The following SSBP3 variants were observed in gnomAD, a reference collection of about 807,000 sequenced individuals.
SSBP3 encodes the protein single-stranded DNA-binding protein 3.
In SSBP3, 5 loss-of-function variants were observed where a neutral mutation model predicts 69.6. That is an observed-to-expected ratio of 0.07 (90% confidence interval 0.04 to 0.15). The LOEUF (loss-of-function observed/expected upper bound fraction) is 0.15, where lower values mean the gene tolerates loss of function less well. SSBP3 is among the 10% of genes least tolerant of loss of function. The pLI is 1.00. For missense variants in SSBP3, 312 were observed against 534.0 expected, an observed-to-expected ratio of 0.58 and a Z score of 4.10; for synonymous variants, 196 against 193.4, an observed-to-expected ratio of 1.01 and a Z score of -0.11.
chr1:54,289,040 A>AAAAAAAAC, intron 4 of SSBP3, among the ~76,000 whole-genome samples: 1 of 53,830 alleles, frequency 1.9e-5, no homozygotes, highest in East Asian at 2.1e-4. Context: ...AAAAAAACAA[A>AAAAAAAAC]AAAACAAAAA....
intron 4 of SSBP3, among the ~76,000 whole-genome samples, chr1:54,385,296 T>G (rs942554786): frequency 7.2e-5 from 11 of 152,294 alleles, no homozygotes; most frequent in African/African-American, 2.6e-4. Flanking sequence ...CCTAAAAGCA[T>G]TTGGCTCCCT....
intron 4 of SSBP3, among the ~76,000 whole-genome samples, chr1:54,323,171 A>T (rs888784600): frequency 6.6e-6 from 1 of 152,224 alleles, no homozygotes; most frequent in Non-Finnish European, 1.5e-5. Flanking sequence ...AAGCAAGTCA[A>T]TGAAGCTCCC....
intron 4 of SSBP3, among the ~76,000 whole-genome samples, chr1:54,392,453 C>T (rs937977304): frequency 6.6e-6 from 1 of 152,214 alleles, no homozygotes; most frequent in African/African-American, 2.4e-5. Context: ...TATATGCACA[C>T]ATAAATCACT....
rs142584482 is a variant in SSBP3 at position 54,244,698 on chromosome 1, C to T, written c.652-1399G>A. Among the ~76,000 whole-genome samples, 236 of 152,274 alleles carry T rather than the reference C, an allele frequency of 1.5e-3. 1 individual carries two copies. Among genetic ancestry groups the T allele is most frequent in the African/African-American group, 5.5e-3 (228 of 41,566 alleles). On this transcript the variant is annotated intron_variant, in intron 9 of 17. Transcript: ENST00000610401. ...CCTATATAACCAGGCCAGTGTTGCT[C>T]GTGACCCTCTCTCCAAGTGTCATTT...
chr1:54,332,856 G>A (rs1646441849), intron 4 of SSBP3, among the ~76,000 whole-genome samples: 1 of 152,224 alleles, frequency 6.6e-6, no homozygotes, highest in Non-Finnish European at 1.5e-5. Flanking sequence ...GGGACCAGAG[G>A]GGACAAGTAA....
chr1:54,281,433 C>T lies in SSBP3; in HGVS notation c.366+5G>A, dbSNP rs549307072. On this transcript the variant is annotated splice_donor_5th_base_variant and intron_variant, in intron 5 of 17. Transcript: ENST00000610401. The stretch of plus-strand genomic sequence containing the variant: ...GAGCACAAGACCCACGGGCCCCGCA[C>T]GTACCTGAAAGAAACCTGGCGGGAT... 2.5e-4 allele frequency: 382 copies of T among 1,557,252 alleles called. No individual in the cohort carries two copies. The highest frequency in any genetic ancestry group is 3.1e-4 in the Non-Finnish European group (357 of 1,150,380).
At chr1:54,370,390 AAAATAATTCTGAACCC>A (rs1288942639) in intron 4 of SSBP3, among the ~76,000 whole-genome samples, 7 of 152,198 alleles carry the variant, frequency 4.6e-5, no homozygotes, top group Admixed American at 4.6e-4. Flanking sequence ...CTGTGTTCTG[AAAATAATTCTGAACCC>A]GGGTTGGCAG....
chr1:54,339,996 G>T (rs1646578225), intron 4 of SSBP3, among the ~76,000 whole-genome samples: 1 of 152,084 alleles, frequency 6.6e-6, no homozygotes, highest in Admixed American at 6.5e-5. Context: ...ATGCTGGAAG[G>T]GAGGGTGGGG....
chr1:54,391,938 G>T (rs966899672), intron 4 of SSBP3, among the ~76,000 whole-genome samples: 1 of 152,082 alleles, frequency 6.6e-6, no homozygotes, highest in African/African-American at 2.4e-5. Flanking sequence ...CAGCCAGCAG[G>T]GACAGGCTGC....
At position 54,346,681 on chromosome 1, in the gene SSBP3, C is replaced by T. The variant is rs190110716; in HGVS notation, c.276+55180G>A. On this transcript the variant is annotated intron_variant, in intron 4 of 17. Coordinates refer to ENST00000610401, the Ensembl canonical transcript of SSBP3. The stretch of plus-strand genomic sequence containing the variant: ...TACAAAAAAATTGGCCGGGCATGGT[C>T]GTGGGCACCTGTAGTCCCAGCTACT... 3.2e-3 allele frequency among the ~76,000 whole-genome samples: 484 copies of T among 151,822 alleles called. 3 individuals carry two copies. The highest frequency in any genetic ancestry group is 0.011 in the African/African-American group (453 of 41,408).
chr1:54,332,662 A>AG (rs1473022841), intron 4 of SSBP3, among the ~76,000 whole-genome samples: 1 of 152,124 alleles, frequency 6.6e-6, no homozygotes, highest in African/African-American at 2.4e-5. Flanking sequence ...ACACGCTCCC[A>AG]GGGGTCCTTG....
intron 13 of SSBP3, among the ~76,000 whole-genome samples, chr1:54,240,682 T>C (rs1644618158): frequency 6.6e-6 from 1 of 152,132 alleles, no homozygotes; most frequent in Non-Finnish European, 1.5e-5. Flanking sequence ...TCCCTGTTCC[T>C]GGACTGCTCT....
At chr1:54,339,316 T>C (rs1646565645) in intron 4 of SSBP3, among the ~76,000 whole-genome samples, 1 of 152,344 alleles carries the variant, frequency 6.6e-6, no homozygotes. Flanking sequence ...GCTGGACAGA[T>C]AGCAGATTCT....
intron 4 of SSBP3, among the ~76,000 whole-genome samples, chr1:54,293,149 C>T (rs938621152): frequency 2.6e-5 from 4 of 152,094 alleles, no homozygotes; most frequent in African/African-American, 9.7e-5. Context: ...GCTGCCACTT[C>T]GGAGCTCACT....
At chr1:54,342,005 C>G (rs1210165619) in intron 4 of SSBP3, among the ~76,000 whole-genome samples, 1 of 152,156 alleles carries the variant, frequency 6.6e-6, no homozygotes, top group Non-Finnish European at 1.5e-5. Flanking sequence ...CAAGTCAGGG[C>G]TACGAAGGCA....
intron 4 of SSBP3, among the ~76,000 whole-genome samples, chr1:54,293,494 G>A (rs987914081): frequency 3.3e-5 from 5 of 152,164 alleles, no homozygotes; most frequent in African/African-American, 1.2e-4. Context: ...AACATTTATT[G>A]GGGTCCCATT....
intron 5 of SSBP3, 47 bp downstream of exon 5, chr1:54,281,391 G>A: frequency 6.7e-7 from 1 of 1,484,190 alleles, no homozygotes; most frequent in Non-Finnish European, 9.1e-7. Flanking sequence ...CAGGGCCTCG[G>A]CCTGGAATAC....
intron 5 of SSBP3, among the ~76,000 whole-genome samples, chr1:54,277,988 A>G (rs1051603293): frequency 2.2e-4 from 33 of 152,208 alleles, no homozygotes; most frequent in Non-Finnish European, 1.6e-4. Context: ...AAAGCAGAAA[A>G]TCAAAGTTGG....
intron 14 of SSBP3, among the ~76,000 whole-genome samples, chr1:54,235,448 ATTTT>A (rs71580002): frequency 2.3e-3 from 164 of 69,906 alleles, no homozygotes; most frequent in African/African-American, 7.4e-3. Context: ...TGCCCGGCTG[ATTTT>A]TTTTTTTTTT....
Sources: allele counts gnomAD v4.1 joint callset (sites outside exome capture counted in the v4.1 genomes callset), GRCh38; gene constraint gnomAD v4.1.1; transcripts MANE v1.5; gene names NCBI Gene and HGNC (gene_info 2026-07-23, HGNC 2026-07-21).